CHRM2: variants seen among roughly 807,000 people sequenced by gnomAD.
CHRM2 encodes cholinergic receptor muscarinic 2.
In CHRM2, 8 loss-of-function variants were observed where a neutral mutation model predicts 25.0. The ratio of observed to expected loss-of-function variants is 0.32; its 90% confidence interval spans 0.19 to 0.58. CHRM2 has a LOEUF of 0.58. Among genes scored for constraint, CHRM2 ranks in the 20% least tolerant of loss-of-function variants. The pLI, the probability that CHRM2 is intolerant of heterozygous loss-of-function variation, is 0.88. For synonymous variants in CHRM2, 202 were observed against 205.7 expected (o/e 0.98, Z 0.15); for missense variants, 440 against 567.1 (o/e 0.78, Z 2.28).
chr7:136,938,764 AG>A (rs1799573756), intron 2 of CHRM2, among the ~76,000 whole-genome samples: 1 of 151,994 alleles, frequency 6.6e-6, no homozygotes, highest in African/African-American at 2.4e-5. Context: ...CATGCAGTGT[AG>A]CACTGGGAAC....
At chr7:136,878,604 G>A (rs547444571) in intron 2 of CHRM2, among the ~76,000 whole-genome samples, 1 of 151,986 alleles carries the variant, frequency 6.6e-6, no homozygotes, top group Admixed American at 6.6e-5. Flanking sequence ...CAAAAACCAC[G>A]AAATGACAGC....
intron 3 of CHRM2, among the ~76,000 whole-genome samples, chr7:137,004,158 G>A (rs1804261147): frequency 6.6e-6 from 1 of 152,108 alleles, no homozygotes; most frequent in South Asian, 2.1e-4. Flanking sequence ...GCTGTCTACT[G>A]GAAGATCTTC....
At chr7:136,908,255 A>T (rs1302877877) in intron 2 of CHRM2, among the ~76,000 whole-genome samples, 2 of 151,916 alleles carry the variant, frequency 1.3e-5, no homozygotes, top group Admixed American at 1.3e-4. Context: ...ATCCTTCTTA[A>T]GTAAAATGAG....
chr7:136,944,236 C>A (rs938598227), intron 2 of CHRM2, among the ~76,000 whole-genome samples: 3 of 151,960 alleles, frequency 2.0e-5, no homozygotes, highest in Admixed American at 1.3e-4. Context: ...TTATTCCTCA[C>A]CCCCTCCCAT....
At chr7:136,987,404 T>G (rs1462634992) in intron 2 of CHRM2, among the ~76,000 whole-genome samples, 1 of 152,226 alleles carries the variant, frequency 6.6e-6, no homozygotes, top group Non-Finnish European at 1.5e-5. Context: ...TTGCACACTC[T>G]GAAACCATGA....
chr7:136,894,803 C>A (rs1796828744), intron 2 of CHRM2, among the ~76,000 whole-genome samples: 1 of 152,098 alleles, frequency 6.6e-6, no homozygotes, highest in Admixed American at 6.5e-5. Context: ...TTAGCTATGG[C>A]CATCCATCCA....
At chr7:136,894,278 G>A (rs1005245644) in intron 2 of CHRM2, among the ~76,000 whole-genome samples, 8 of 152,120 alleles carry the variant, frequency 5.3e-5, no homozygotes, top group African/African-American at 1.7e-4. Context: ...GAACAAAACC[G>A]ATCCCAAATT....
chr7:136,911,935 T>C (rs1797864931), intron 2 of CHRM2, among the ~76,000 whole-genome samples: 1 of 151,938 alleles, frequency 6.6e-6, no homozygotes, highest in Non-Finnish European at 1.5e-5. Flanking sequence ...TTTTACATAT[T>C]ATAACCATAT....
At chr7:136,975,654 A>G (rs1481247556) in intron 2 of CHRM2, among the ~76,000 whole-genome samples, 3 of 152,226 alleles carry the variant, frequency 2.0e-5, no homozygotes, top group East Asian at 3.8e-4. Flanking sequence ...TTATAATATC[A>G]AAGGACAGAT....
intron 2 of CHRM2, among the ~76,000 whole-genome samples, chr7:136,940,284 G>A (rs1354407608): frequency 2.0e-5 from 3 of 152,152 alleles, no homozygotes; most frequent in Non-Finnish European, 4.4e-5. Context: ...TACAATCTTC[G>A]ACAGCTGCCC....
intron 3 of CHRM2, among the ~76,000 whole-genome samples, chr7:136,999,926 ATTG>A (rs1339666081): frequency 6.6e-6 from 1 of 152,144 alleles, no homozygotes; most frequent in Non-Finnish European, 1.5e-5. Context: ...CTTCATGAAA[ATTG>A]TTATTATATG....
intron 2 of CHRM2, among the ~76,000 whole-genome samples, chr7:136,940,124 G>A (rs895786947): frequency 6.6e-6 from 1 of 152,116 alleles, no homozygotes; most frequent in Non-Finnish European, 1.5e-5. Context: ...AAAACTAAGT[G>A]GTATTTAAGT....
intron 2 of CHRM2, among the ~76,000 whole-genome samples, chr7:136,894,888 A>G (rs1437431351): frequency 6.6e-6 from 1 of 152,204 alleles, no homozygotes; most frequent in African/African-American, 2.4e-5. Flanking sequence ...GGGACATAAA[A>G]TTAACAAACC....
intron 2 of CHRM2, among the ~76,000 whole-genome samples, chr7:136,896,770 G>A (rs1286181149): frequency 6.6e-6 from 1 of 152,122 alleles, no homozygotes; most frequent in African/African-American, 2.4e-5. Context: ...AAAGATAGGG[G>A]AAGGGTGGTG....
At chr7:136,994,521 C>CTTTT (rs757243972) in intron 3 of CHRM2, among the ~76,000 whole-genome samples, 123 of 71,372 alleles carry the variant, frequency 1.7e-3, no homozygotes, top group African/African-American at 3.5e-3. Flanking sequence ...TTTTTCTTTT[C>CTTTT]TTTTTTTTTT....
At chr7:137,005,291 CTCTT>C in intron 3 of CHRM2, among the ~76,000 whole-genome samples, 1 of 152,094 alleles carries the variant, frequency 6.6e-6, no homozygotes, top group Middle Eastern at 3.2e-3. Flanking sequence ...GAGCAACTTT[CTCTT>C]TCTCTCCATA....
At chr7:136,928,489 T>G (rs1798869027) in intron 2 of CHRM2, among the ~76,000 whole-genome samples, 1 of 152,182 alleles carries the variant, frequency 6.6e-6, no homozygotes, top group South Asian at 2.1e-4. Flanking sequence ...GTCACATGCT[T>G]CATGATCCTT....
intron 2 of CHRM2, among the ~76,000 whole-genome samples, chr7:136,875,457 T>C (rs1006402463): frequency 2.6e-5 from 4 of 152,052 alleles, no homozygotes; most frequent in Admixed American, 2.0e-4. Flanking sequence ...GTTAAATCTG[T>C]TCCCTCAGAG....
In CHRM2 at chr7:137,015,736, GCTGTTGCCT is replaced by G. The variant is rs1454380573; in HGVS notation, c.874_882del (p.Val292_Ser294del). The stretch of plus-strand genomic sequence containing the variant: ...CTCCAATGACTCCACCTCAGTCAGT[GCTGTTGCCT>G]CTAATATGAGAGATGATGAAATAAC... On this transcript the variant is annotated inframe_deletion, in exon 4 of 4. Transcript: ENST00000680005. The surrounding 1 kb of genome is among the most constrained non-coding windows in gnomAD (Gnocchi z 5.1). The G allele has an allele frequency of 2.0e-5, 32 of 1,613,178 alleles. No individual in the cohort carries two copies. The highest frequency in any genetic ancestry group is 2.6e-5 in the Non-Finnish European group (31 of 1,179,564).
Sources: allele counts gnomAD v4.1 joint callset (sites outside exome capture counted in the v4.1 genomes callset), GRCh38; gene constraint gnomAD v4.1.1; non-coding constraint Gnocchi (gnomAD v3.1); transcripts MANE v1.5; gene names NCBI Gene and HGNC (gene_info 2026-07-23, HGNC 2026-07-21).